Variants in GOSR1 observed in about 807,000 individuals in gnomAD.
GOSR1 encodes the protein 28 kDa Golgi SNARE protein.
A neutral mutation model predicts 35.5 loss-of-function variants in GOSR1; 21 were observed. That is an observed-to-expected ratio of 0.59 (90% confidence interval 0.42 to 0.85). The LOEUF (loss-of-function observed/expected upper bound fraction) is 0.85, where lower values mean the gene tolerates loss of function less well. Ranked by LOEUF, GOSR1 falls within the 40% of genes least tolerant of loss-of-function variation. The pLI, the probability that GOSR1 is intolerant of heterozygous loss-of-function variation, is 0.00. For missense variants in GOSR1, 285 were observed against 309.6 expected, an observed-to-expected ratio of 0.92 and a Z score of 0.60; for synonymous variants, 94 against 106.6, an observed-to-expected ratio of 0.88 and a Z score of 0.73.
At chr17:30,501,474 CACTT>C (rs1486701616) in intron 6 of GOSR1, among the ~76,000 whole-genome samples, 1 of 151,842 alleles carries the variant, frequency 6.6e-6, no homozygotes, top group East Asian at 1.9e-4. Flanking sequence ...CATTGGAAGA[CACTT>C]ACGCAGTTTT....
intron 1 of GOSR1, chr17:30,478,625 C>T (rs1447641818): frequency 1.4e-5 from 2 of 145,246 alleles, no homozygotes; most frequent in African/African-American, 5.1e-5. Context: ...CTATCGATCT[C>T]GGCTCACTGC....
intron 6 of GOSR1, among the ~76,000 whole-genome samples, chr17:30,498,663 C>T (rs80219403): frequency 4.0e-4 from 61 of 152,288 alleles, no homozygotes; most frequent in Non-Finnish European, 5.7e-4. Context: ...TATCATTCCT[C>T]ATACATTATT....
intron 6 of GOSR1, among the ~76,000 whole-genome samples, chr17:30,501,592 G>GT (rs920695966): frequency 1.3e-5 from 2 of 151,926 alleles, no homozygotes; most frequent in Non-Finnish European, 2.9e-5. Context: ...CGCCTCCCGG[G>GT]TTTAAGCAGT....
chr17:30,519,834 T>C, intron 7 of GOSR1, 105 bp from the exon 8 acceptor site: 1 of 703,882 alleles, frequency 1.4e-6, no homozygotes. Flanking sequence ...CAGTGCTTTC[T>C]AAGATGATGT....
At chr17:30,490,811 A>G (rs1206772778) in intron 5 of GOSR1, among the ~76,000 whole-genome samples, 1 of 152,060 alleles carries the variant, frequency 6.6e-6, no homozygotes, top group East Asian at 1.9e-4. Flanking sequence ...ACCTTTAATG[A>G]TCTATTCTAG....
chr17:30,511,583 G>A (rs1967615351), intron 7 of GOSR1, among the ~76,000 whole-genome samples: 1 of 151,380 alleles, frequency 6.6e-6, no homozygotes, highest in South Asian at 2.1e-4. Flanking sequence ...AGGCTAGAGT[G>A]CAGTGGTGCC....
chr17:30,488,407 G>A lies in GOSR1; in HGVS notation c.343-1719G>A, dbSNP rs552661862. Among the ~76,000 whole-genome samples the A allele has an allele frequency of 7.3e-5, 11 of 150,036 alleles. 1 individual carries two copies. The highest frequency in any genetic ancestry group is 4.0e-4 in the East Asian group (2 of 4,966). ...TCTCCATCTCCTGACCTCATGATCC[G>A]CCTGCCTTGGCCTCCCAAAGTGTTG... On this transcript the variant is annotated intron_variant, in intron 4 of 8. Coordinates refer to ENST00000451249, the MANE Select transcript of GOSR1 (RefSeq NM_001007025.2).
At chr17:30,484,181 T>TA in intron 2 of GOSR1, 33 bp from the exon 3 acceptor site, 1 of 1,056,982 alleles carries the variant, frequency 9.5e-7, no homozygotes, top group East Asian at 2.4e-5. Context: ...CTGATTTGAG[T>TA]AATGGATCCT....
chr17:30,517,214 G>A (rs1006911762), intron 7 of GOSR1, among the ~76,000 whole-genome samples: 8 of 151,806 alleles, frequency 5.3e-5, no homozygotes, highest in African/African-American at 7.3e-5. Flanking sequence ...ATATATTATC[G>A]AAGTACATTT....
At chr17:30,518,451 AAT>A (rs1462025791) in intron 7 of GOSR1, among the ~76,000 whole-genome samples, 1 of 151,962 alleles carries the variant, frequency 6.6e-6, no homozygotes, top group Non-Finnish European at 1.5e-5. Context: ...AAAAAAAAAA[AAT>A]AGATATTTTC....
intron 7 of GOSR1, among the ~76,000 whole-genome samples, chr17:30,516,469 C>CAA (rs370736848): frequency 2.7e-5 from 3 of 111,234 alleles, no homozygotes; most frequent in African/African-American, 4.3e-5. Context: ...GACTCCGTCT[C>CAA]AAACAAAAAA....
At position 30,506,702 on chromosome 17, in the gene GOSR1, C is replaced by T. The variant is rs181869191; in HGVS notation, c.510-4178C>T. Among the ~76,000 whole-genome samples the T allele has an allele frequency of 6.6e-5, 10 of 152,318 alleles. No individual in the cohort carries two copies. In the East Asian group the frequency reaches 1.9e-3, roughly 29 times the overall value. ...CAGATGTTTAGTGTAGAATAAACAG[C>T]CTTTTGTTAGAAGAAGATGCCATTT... On this transcript the variant is annotated intron_variant, in intron 6 of 8. Coordinates refer to ENST00000451249, the MANE Select transcript of GOSR1 (RefSeq NM_001007025.2).
In GOSR1 at chr17:30,498,863, AG is replaced by A. The variant is rs143657364; in HGVS notation, c.509+6111del. Among the ~76,000 whole-genome samples, 105 of 152,340 alleles carry A rather than the reference AG, an allele frequency of 6.9e-4. 1 individual carries two copies. The East Asian group carries it at 0.019, about 28-fold the overall frequency. Reference sequence around the variant, plus strand: ...CCTCATAAATCAGATTTACTGAGGTAGAATTTACTTACAGTAAAAATGTATC... The same window carrying A: ...CCTCATAAATCAGATTTACTGAGGTAAATTTACTTACAGTAAAAATGTATC... On this transcript the variant is annotated intron_variant, in intron 6 of 8. Coordinates refer to ENST00000451249, the MANE Select transcript of GOSR1 (RefSeq NM_001007025.2).
intron 7 of GOSR1, among the ~76,000 whole-genome samples, chr17:30,514,195 A>G: frequency 6.6e-6 from 1 of 152,176 alleles, no homozygotes; most frequent in Non-Finnish European, 1.5e-5. Flanking sequence ...TCAAAAATTC[A>G]GTGTATTGTG....
chr17:30,477,673 A>C (rs1037096046), intron 1 of GOSR1: 22 of 985,034 alleles, frequency 2.2e-5, no homozygotes, highest in African/African-American at 3.5e-5. Context: ...TGTGAGCGGG[A>C]CGTGGGGCAG....
intron 5 of GOSR1, among the ~76,000 whole-genome samples, chr17:30,491,614 G>C (rs1385327121): frequency 6.6e-6 from 1 of 151,992 alleles, no homozygotes; most frequent in Admixed American, 6.6e-5. Context: ...AGCTGTGATC[G>C]TGCCACTGCA....
chr17:30,508,911 CTG>C (rs1279950748), intron 6 of GOSR1, among the ~76,000 whole-genome samples: 10 of 152,126 alleles, frequency 6.6e-5, no homozygotes, highest in African/African-American at 2.4e-4. Flanking sequence ...TAGCCACAGT[CTG>C]TCTTTCACTA....
At chr17:30,507,131 G>T (rs754657867) in intron 6 of GOSR1, among the ~76,000 whole-genome samples, 1 of 150,546 alleles carries the variant, frequency 6.6e-6, no homozygotes, top group Non-Finnish European at 1.5e-5. Context: ...TTCAAGGAGT[G>T]ATTTTGACTT....
At position 30,525,364 on chromosome 17, in the gene GOSR1, G is replaced by C. The variant is rs1419864026; in HGVS notation, c.*2986G>C. On this transcript the variant is annotated 3_prime_UTR_variant, in exon 9 of 9. Coordinates refer to ENST00000451249, the MANE Select transcript of GOSR1 (RefSeq NM_001007025.2). ...CTATGGGGTTTATTTTTCTAAATGT[G>C]GGTTGATTGACTGTTAATTGATTCA... 1.3e-5 allele frequency: 2 copies of C among 152,132 alleles called. No individual in the cohort carries two copies. Among genetic ancestry groups the C allele is most frequent in the African/African-American group, 4.8e-5 (2 of 41,414 alleles). The allele number at this position is 152,132 out of a possible 1,614,324, so 9.4% of individuals were successfully genotyped here.
Sources: allele counts gnomAD v4.1 joint callset (sites outside exome capture counted in the v4.1 genomes callset), GRCh38; gene constraint gnomAD v4.1.1; transcripts MANE v1.5; gene names NCBI Gene and HGNC (gene_info 2026-07-23, HGNC 2026-07-21).